Variants in PAH observed in about 807,000 individuals in gnomAD.
PAH encodes phenylalanine-4-hydroxylase.
In PAH, 64 loss-of-function variants were observed where a neutral mutation model predicts 62.0. The observed-to-expected ratio is 1.03, with a 90% CI of 0.84 to 1.27. The LOEUF (loss-of-function observed/expected upper bound fraction) is 1.27, where lower values mean the gene tolerates loss of function less well. Among genes scored for constraint, PAH ranks in the 50% most tolerant of loss-of-function variants. The pLI is 0.00. For missense variants in PAH, 579 were observed against 542.8 expected (o/e 1.07, Z -0.66); for synonymous variants, 195 against 196.2 (o/e 0.99, Z 0.05).
At chr12:102,867,384 C>T (rs112347824) in intron 4 of PAH, among the ~76,000 whole-genome samples, 1 of 152,210 alleles carries the variant, frequency 6.6e-6, no homozygotes, top group Admixed American at 6.5e-5. Context: ...GAAGCTGATT[C>T]ACAGGCAGCC....
At chr12:102,882,127 T>G (rs1876835698) in intron 3 of PAH, among the ~76,000 whole-genome samples, 1 of 152,210 alleles carries the variant, frequency 6.6e-6, no homozygotes, top group South Asian at 2.1e-4. Flanking sequence ...CTCTTACCTC[T>G]TGTCCTTTTG....
chr12:102,885,838 T>G (rs1352229323), intron 3 of PAH, among the ~76,000 whole-genome samples: 1 of 152,190 alleles, frequency 6.6e-6, no homozygotes, highest in East Asian at 1.9e-4. Flanking sequence ...CACCCAGGCT[T>G]GCCTCCAGCC....
intron 1 of PAH, among the ~76,000 whole-genome samples, chr12:102,936,919 C>T (rs1319877069): frequency 6.6e-6 from 1 of 152,002 alleles, no homozygotes; most frequent in Non-Finnish European, 1.5e-5. Context: ...TCTCATAATC[C>T]CCACATGTAG....
intron 9 of PAH, among the ~76,000 whole-genome samples, chr12:102,846,621 G>T (rs1022051765): frequency 3.3e-5 from 5 of 152,178 alleles, no homozygotes; most frequent in African/African-American, 1.2e-4. Flanking sequence ...TTATGCCAAG[G>T]GTTTTCAAGG....
intron 2 of PAH, among the ~76,000 whole-genome samples, chr12:102,905,644 CCTCT>C (rs1877945930): frequency 6.6e-6 from 1 of 152,024 alleles, no homozygotes; most frequent in South Asian, 2.1e-4. Flanking sequence ...TTAGTTTCCT[CCTCT>C]CTAAGATCAG....
intron 4 of PAH, among the ~76,000 whole-genome samples, chr12:102,877,081 G>A (rs1033264257): frequency 1.1e-4 from 16 of 151,962 alleles, no homozygotes; most frequent in Admixed American, 7.9e-4. Flanking sequence ...GCCACTCCCC[G>A]CTGCCCCCTG....
chr12:102,949,946 C>T (rs1879675033), intron 1 of PAH, among the ~76,000 whole-genome samples: 1 of 152,188 alleles, frequency 6.6e-6, no homozygotes, highest in African/African-American at 2.4e-5. Context: ...GATTAGGTTT[C>T]ATAGTTATTT....
chr12:102,953,711 G>A (rs1879833985), upstream of PAH: 1 of 152,194 alleles, frequency 6.6e-6, no homozygotes, highest in South Asian at 2.1e-4. Flanking sequence ...TTATTGTATT[G>A]GAGGAGAAAG....
upstream of PAH, among the ~76,000 whole-genome samples, chr12:102,951,922 T>G (rs1303251379): frequency 6.6e-6 from 1 of 152,072 alleles, no homozygotes; most frequent in Non-Finnish European, 1.5e-5. Flanking sequence ...CCGGCTGATG[T>G]GCGGCTCGTT....
At chr12:102,895,370 T>C (rs1565866834) in intron 2 of PAH, among the ~76,000 whole-genome samples, 1 of 152,162 alleles carries the variant, frequency 6.6e-6, no homozygotes, top group Non-Finnish European at 1.5e-5. Context: ...AATATCTAAA[T>C]TTATTGCTTG....
Position 102,946,648 on chromosome 12 carries a change from A to G in PAH, c.-96+3941T>C, listed in dbSNP as rs74635151. 3.9e-3 allele frequency: 593 copies of G among 152,814 alleles called. 1 individual carries two copies. Among genetic ancestry groups the G allele is most frequent in the African/African-American group, 0.013 (558 of 41,558 alleles). 9.5% of individuals were successfully genotyped at this position (152,814 alleles called of 1,614,324 possible). On this transcript the variant is annotated intron_variant, in intron 1 of 3. Transcript: ENST00000546844. The stretch of plus-strand genomic sequence containing the variant: ...TGCTGGAGTGTTGGGGTGATGGGGG[A>G]GGAGTTGCATCAGCAATTCAAGACT...
At chr12:102,895,872 ATAT>A (rs1877484936) in intron 2 of PAH, among the ~76,000 whole-genome samples, 18 of 130,284 alleles carry the variant, frequency 1.4e-4, no homozygotes, top group African/African-American at 6.2e-4. Context: ...AAAAAAAAAT[ATAT>A]ATATATATAT....
At chr12:102,931,891 A>C (rs1878890239) in intron 1 of PAH, among the ~76,000 whole-genome samples, 3 of 152,172 alleles carry the variant, frequency 2.0e-5, no homozygotes, top group African/African-American at 7.2e-5. Context: ...AGCTCCTATC[A>C]TGTGGCAGCC....
rs964584884 is a variant in PAH, at chr12:102,913,968, C to A, written c.61-1070G>T. On this transcript the variant is annotated intron_variant, in intron 1 of 12. Coordinates refer to ENST00000553106, the MANE Select transcript of PAH (RefSeq NM_000277.3). ...AAAAAATTTGCAGAACAATTACTCT[C>A]TTGTAAGCAAGTTAATGAAATTAAT... The A allele has an allele frequency of 9.2e-6, 6 of 651,382 alleles. No homozygotes were observed. In the Admixed American group the frequency reaches 9.7e-5, roughly 11 times the overall value. The allele number at this position is 651,382 out of a possible 1,614,324, so 40.4% of individuals were successfully genotyped here.
At chr12:102,840,869 T>C (rs182633934) in intron 11 of PAH, among the ~76,000 whole-genome samples, 4 of 152,208 alleles carry the variant, frequency 2.6e-5, no homozygotes, top group Non-Finnish European at 2.9e-5. Flanking sequence ...GAATGCTATA[T>C]AGAGGGAAAA....
rs1592961581 is a variant in PAH at position 102,866,737 on chromosome 12, T to G, written c.442-74A>C. ...CTGGTACCTTTATGAATGCTTTGAA[T>G]GGGGGCTCTCAAGCCATGACAGTGC... On this transcript the variant is annotated intron_variant, in intron 4 of 12. Transcript: ENST00000553106. 3.0e-5 allele frequency: 36 copies of G among 1,192,760 alleles called. No individual in the cohort carries two copies. In the East Asian group the frequency reaches 4.2e-4, roughly 14 times the overall value. The allele number at this position is 1,192,760 out of a possible 1,614,324, so 73.9% of individuals were successfully genotyped here. A position where few individuals can be genotyped will look rare whatever the true frequency, so the allele number is the denominator to read the frequency against.
At chr12:102,842,754 T>G (rs1874647110) in intron 11 of PAH, among the ~76,000 whole-genome samples, 1 of 152,186 alleles carries the variant, frequency 6.6e-6, no homozygotes, top group Admixed American at 6.5e-5. Flanking sequence ...AAGTCATTTA[T>G]TCTATCACCA....
chr12:102,847,190 T>C (rs1874890134), intron 8 of PAH: 1 of 546,960 alleles, frequency 1.8e-6, no homozygotes, highest in Admixed American at 3.0e-5. Flanking sequence ...GTGAGGAAAT[T>C]GAGGCACAGA....
At chr12:102,889,903 A>C (rs1877206965) in intron 3 of PAH, among the ~76,000 whole-genome samples, 1 of 152,192 alleles carries the variant, frequency 6.6e-6, no homozygotes, top group South Asian at 2.1e-4. Flanking sequence ...GAAAGATATT[A>C]ATGCTCTTTC....
Sources: allele counts gnomAD v4.1 joint callset (sites outside exome capture counted in the v4.1 genomes callset), GRCh38; gene constraint gnomAD v4.1.1; transcripts MANE v1.5; gene names NCBI Gene and HGNC (gene_info 2026-07-23, HGNC 2026-07-21).